The following MMD variants were observed in gnomAD, a reference collection of about 807,000 sequenced individuals.
MMD encodes the protein monocyte to macrophage differentiation associated.
A neutral mutation model predicts 33.6 loss-of-function variants in MMD; 22 were observed. The ratio of observed to expected loss-of-function variants is 0.66; its 90% confidence interval spans 0.47 to 0.94. The LOEUF (loss-of-function observed/expected upper bound fraction) is 0.94. Among genes scored for constraint, MMD ranks in the 40% least tolerant of loss-of-function variants. The pLI is 0.00. For missense variants in MMD, 242 were observed against 309.8 expected (o/e 0.78, Z 1.64); for synonymous variants, 97 against 103.2 (o/e 0.94, Z 0.36).
At chr17:55,406,900 A>C (rs1272124350) in intron 4 of MMD, among the ~76,000 whole-genome samples, 1 of 152,062 alleles carries the variant, frequency 6.6e-6, no homozygotes, top group Admixed American at 6.6e-5. Context: ...GTGTGGTGGC[A>C]CATGTCTGTA....
Position 55,407,789 on chromosome 17 carries a change from T to A in MMD, c.301A>T (p.Arg101Ter). 1 of 1,597,648 alleles carries A rather than the reference T, an allele frequency of 6.3e-7. No homozygotes were observed. The highest frequency in any genetic ancestry group is 8.5e-7 in the Non-Finnish European group (1 of 1,175,630). ...TVEHCFHMCDRMVIYFFIAAS... is the reference protein window; with the variant it reads ...TVEHCFHMCD ...GCAATGAAGAAATAGATAACCATTC[T>A]ATCACACATGTGAAAACAATGCTCC... The change falls in exon 4 of 7, where the codon AGA (arginine) becomes TGA (stop). Residue 101 changes from arginine (R) to a stop codon, truncating the protein, a stop_gained. Coordinates refer to ENST00000262065, the MANE Select transcript of MMD (RefSeq NM_012329.3). LOFTEE classifies it high-confidence loss of function.
chr17:55,420,081 G>A (rs1381664123), intron 1 of MMD: 2 of 152,214 alleles, frequency 1.3e-5, no homozygotes, highest in Admixed American at 1.3e-4. Context: ...TAATTGAACA[G>A]GGTTTGTTTG....
At chr17:55,414,555 TTCAC>T (rs1416684753) in intron 1 of MMD, among the ~76,000 whole-genome samples, 17 of 58,542 alleles carry the variant, frequency 2.9e-4, no homozygotes, top group African/African-American at 1.2e-3. Context: ...TCCTCCTCCA[TTCAC>T]ACACACACAC....
At chr17:55,421,639 G>A (rs1244894976) in intron 1 of MMD, 31 bp downstream of exon 1, 1 of 1,599,830 alleles carries the variant, frequency 6.3e-7, no homozygotes, top group South Asian at 1.1e-5. Context: ...TTCTGACACG[G>A]GCAGCGGGAC....
intron 2 of MMD, among the ~76,000 whole-genome samples, chr17:55,413,936 G>A (rs551047730): frequency 3.7e-4 from 57 of 152,280 alleles, no homozygotes; most frequent in African/African-American, 1.2e-3. Flanking sequence ...TGGAGAAAGC[G>A]AATCCAGGAC....
At chr17:55,400,926 A>C (rs1038584125) in intron 6 of MMD, among the ~76,000 whole-genome samples, 3 of 152,224 alleles carry the variant, frequency 2.0e-5, no homozygotes, top group African/African-American at 4.8e-5. Flanking sequence ...AAAGAAAAAA[A>C]AAAGTGCTTG....
intron 1 of MMD, among the ~76,000 whole-genome samples, chr17:55,416,288 A>G (rs1018075233): frequency 6.6e-6 from 1 of 152,250 alleles, no homozygotes; most frequent in Non-Finnish European, 1.5e-5. Context: ...TTACCCAGCA[A>G]CAGGGATAGA....
At chr17:55,396,932 G>A (rs928212097) in intron 6 of MMD, among the ~76,000 whole-genome samples, 4 of 151,934 alleles carry the variant, frequency 2.6e-5, no homozygotes, top group South Asian at 2.1e-4. Context: ...GTTATTCTAC[G>A]GATTACAGTG....
At chr17:55,405,379 GA>G (rs10554664) in intron 4 of MMD, among the ~76,000 whole-genome samples, 26,591 of 114,952 alleles carry the variant, frequency 0.23, 2,910 homozygotes, top group East Asian at 0.63. Context: ...CCGTCTCAAA[GA>G]AAAAAAAAAA....
chr17:55,402,501 T>C (rs1040303785), intron 5 of MMD, among the ~76,000 whole-genome samples: 9 of 152,248 alleles, frequency 5.9e-5, no homozygotes, highest in African/African-American at 2.2e-4. Context: ...TAATTATGTT[T>C]TGATCTGTAA....
chr17:55,394,709 C>T (rs1907038199), intron 6 of MMD, among the ~76,000 whole-genome samples, 175 bp from the exon 7 acceptor site: 2 of 152,218 alleles, frequency 1.3e-5, no homozygotes, highest in African/African-American at 4.8e-5. Context: ...TATACATCGA[C>T]CTGGATTGCC....
intron 6 of MMD, among the ~76,000 whole-genome samples, chr17:55,394,838 G>T (rs895485104): frequency 6.6e-6 from 1 of 152,194 alleles, no homozygotes; most frequent in African/African-American, 2.4e-5. Context: ...GCCAGACATG[G>T]GAGTTCATTT....
chr17:55,407,823 AGCGAGGGG>A lies in MMD; in HGVS notation c.270-11_270-4del, dbSNP rs1417739689. The A allele has an allele frequency of 1.3e-6, 2 of 1,571,390 alleles. No individual in the cohort carries two copies. The highest frequency in any genetic ancestry group is 4.2e-5 in the Admixed American group (2 of 47,658). On this transcript the variant is annotated splice_polypyrimidine_tract_variant and splice_region_variant and intron_variant, in intron 3 of 6. Transcript: ENST00000262065. ...TGTGAAAACAATGCTCCACTGTCCT[AGCGAGGGG>A]GAAAAAAAAGTAAATTTGTCAGAAA...
At chr17:55,414,984 T>C (rs145785781) in intron 1 of MMD, among the ~76,000 whole-genome samples, 101 of 152,318 alleles carry the variant, frequency 6.6e-4, no homozygotes, top group Middle Eastern at 6.8e-3. Context: ...TCAAAATCTG[T>C]TACATATATA....
At chr17:55,417,523 G>A (rs1908013819) in intron 1 of MMD, among the ~76,000 whole-genome samples, 1 of 152,100 alleles carries the variant, frequency 6.6e-6, no homozygotes, top group Non-Finnish European at 1.5e-5. Context: ...GGGCATGGTG[G>A]CTCACACCTG....
chr17:55,414,585 C>T (rs1187121116), intron 1 of MMD, among the ~76,000 whole-genome samples: 1 of 147,482 alleles, frequency 6.8e-6, no homozygotes, highest in Non-Finnish European at 1.5e-5. Context: ...CACACACACA[C>T]ACACACACAC....
At chr17:55,407,661 G>A in intron 4 of MMD, 85 bp downstream of exon 4, 1 of 1,239,060 alleles carries the variant, frequency 8.1e-7, no homozygotes, top group East Asian at 2.4e-5. Context: ...GCTGAGGGTG[G>A]GGACAAGAGG....
At chr17:55,404,703 A>G (rs1907475956) in intron 4 of MMD, 2 of 984,956 alleles carry the variant, frequency 2.0e-6, no homozygotes, top group Non-Finnish European at 2.4e-6. Flanking sequence ...GAATTTAACC[A>G]TGGACTGTTG....
intron 1 of MMD, 78 bp from the exon 2 acceptor site, chr17:55,414,310 G>A: frequency 6.8e-6 from 9 of 1,322,706 alleles, no homozygotes; most frequent in Non-Finnish European, 9.8e-6. Context: ...CAGTGGGTAT[G>A]TGGTCTATTC....
Sources: allele counts gnomAD v4.1 joint callset (sites outside exome capture counted in the v4.1 genomes callset), GRCh38; gene constraint gnomAD v4.1.1; transcripts MANE v1.5; gene names NCBI Gene and HGNC (gene_info 2026-07-23, HGNC 2026-07-21).